The following SH3D19 variants were observed in gnomAD, a reference collection of about 807,000 sequenced individuals.
SH3D19 encodes SH3 domain-containing protein 19.
Under a neutral mutation model 112.1 loss-of-function variants are expected in SH3D19, and 58 were observed. That is an observed-to-expected ratio of 0.52 (90% CI 0.42 to 0.64). The LOEUF (loss-of-function observed/expected upper bound fraction) is 0.64. Ranked by LOEUF, SH3D19 falls within the 30% of genes least tolerant of loss-of-function variation. The pLI is 0.00. For synonymous variants in SH3D19, 391 were observed against 448.5 expected (o/e 0.87, Z 1.62); for missense variants, 1,090 against 1,263.4 (o/e 0.86, Z 2.08).
At chr4:151,163,831 C>T (rs369799657) in intron 8 of SH3D19, among the ~76,000 whole-genome samples, 44 of 152,278 alleles carry the variant, frequency 2.9e-4, no homozygotes, top group African/African-American at 1.0e-3. Context: ...GATCTGCCCA[C>T]CTCAGCTTCC....
At chr4:151,142,109 C>A (rs1193845029) in intron 12 of SH3D19, among the ~76,000 whole-genome samples, 2 of 152,208 alleles carry the variant, frequency 1.3e-5, no homozygotes, top group Non-Finnish European at 2.9e-5. Context: ...ATGACTATAA[C>A]TGCTAATGCA....
At chr4:151,268,847 A>G (rs1353429129) in intron 1 of SH3D19, among the ~76,000 whole-genome samples, 5 of 151,192 alleles carry the variant, frequency 3.3e-5, no homozygotes, top group Non-Finnish European at 7.4e-5. Context: ...TCATTGTTGG[A>G]CATTTGGGTT....
At chr4:151,134,126 T>TA (rs554285763) in intron 15 of SH3D19, among the ~76,000 whole-genome samples, 44 of 152,326 alleles carry the variant, frequency 2.9e-4, no homozygotes, top group African/African-American at 9.6e-4. Context: ...ATATGCTGCT[T>TA]AAAAATAGAG....
At chr4:151,280,033 A>C in intron 1 of SH3D19, 4 of 863,260 alleles carry the variant, frequency 4.6e-6, no homozygotes, top group Non-Finnish European at 6.4e-6. Flanking sequence ...ATGAACCAAA[A>C]GACAAATGAA....
In SH3D19 at chr4:151,133,029, C is replaced by A; in HGVS notation, c.2689+5G>T. On this transcript the variant is annotated splice_donor_5th_base_variant and intron_variant, in intron 16 of 19. Coordinates refer to ENST00000604030, the MANE Select transcript of SH3D19 (RefSeq NM_001378122.1). ...AACATAATAAAAAAAATTCTCTATACTCACTTAAAACATTTGCACCAGAGG... is the reference window on the plus strand; with the variant it reads ...AACATAATAAAAAAAATTCTCTATAATCACTTAAAACATTTGCACCAGAGG... 1 of 1,612,194 alleles carries A rather than the reference C, an allele frequency of 6.2e-7. No individual in the cohort carries two copies. The highest frequency in any genetic ancestry group is 8.5e-7 in the Non-Finnish European group (1 of 1,179,050).
At position 151,259,689 on chromosome 4, in the gene SH3D19, A is replaced by C. The variant is rs1772223414; in HGVS notation, c.113-33603T>G. The stretch of plus-strand genomic sequence containing the variant: ...CCCATCAGGGCACCTGGGTGACTGC[A>C]CCGCCTGAGAGGCCGGGGTGGGGCT... On this transcript the variant is annotated intron_variant, in intron 1 of 19. Transcript: ENST00000604030. 4 of 152,458 alleles carry C rather than the reference A, an allele frequency of 2.6e-5. No individual in the cohort carries two copies. The South Asian group carries it at 6.2e-4, about 24-fold the overall frequency. The allele number at this position is 152,458 out of a possible 1,614,324, so 9.4% of individuals were successfully genotyped here. A position where few individuals can be genotyped will look rare whatever the true frequency, so the allele number is the denominator to read the frequency against.
chr4:151,224,867 T>C (rs534602160), intron 2 of SH3D19, among the ~76,000 whole-genome samples: 1 of 152,296 alleles, frequency 6.6e-6, no homozygotes, highest in East Asian at 1.9e-4. Flanking sequence ...TTTAAGTATC[T>C]AATATAAAAG....
At chr4:151,242,722 A>T (rs1438036540) in intron 1 of SH3D19, among the ~76,000 whole-genome samples, 2 of 152,220 alleles carry the variant, frequency 1.3e-5, no homozygotes, top group Non-Finnish European at 2.9e-5. Flanking sequence ...CCCTTGGGTG[A>T]CAGTTGATTA....
Position 151,133,087 on chromosome 4 carries a change from A to C in SH3D19, c.2636T>G (p.Leu879Arg). Reference protein sequence around the residue: ...EVRGRTGIFPLNFVEPVEDYP... With the variant: ...EVRGRTGIFPRNFVEPVEDYP... ...ATCCTCAACAGGCTCCACAAAGTTC[A>C]GGGGGAAAATCCCAGTTCTGCCTCG... Residue 879 changes from leucine (L) to arginine (R), a missense_variant, in exon 16 of 20, where the codon CTG becomes CGG. By Grantham distance (102) the Leu-to-Arg change is moderately radical. Transcript: ENST00000604030. The C allele has an allele frequency of 6.2e-7, 1 of 1,614,096 alleles. No homozygotes were observed. Among genetic ancestry groups the C allele is most frequent in the Non-Finnish European group, 8.5e-7 (1 of 1,179,940 alleles).
intron 11 of SH3D19, among the ~76,000 whole-genome samples, chr4:151,147,008 T>C (rs1266050143): frequency 1.3e-5 from 2 of 152,192 alleles, no homozygotes; most frequent in African/African-American, 4.8e-5. Context: ...GGAAAAACCA[T>C]CCATCTTAGT....
At position 151,190,915 on chromosome 4, in the gene SH3D19, G is replaced by A. The variant is rs545296348; in HGVS notation, c.153-3452C>T. Among the ~76,000 whole-genome samples the A allele has an allele frequency of 7.2e-5, 11 of 152,278 alleles. No individual in the cohort carries two copies. The South Asian group carries it at 1.2e-3, about 17-fold the overall frequency. On this transcript the variant is annotated intron_variant, in intron 2 of 19. Coordinates refer to ENST00000604030, the MANE Select transcript of SH3D19 (RefSeq NM_001378122.1). ...CTTGCACTGTGCTCCTGGAAAAGCC[G>A]CAGACACTCAACGCCAGCCGTGAAA...
chr4:151,237,057 G>T (rs116654869), intron 1 of SH3D19, among the ~76,000 whole-genome samples: 1 of 152,272 alleles, frequency 6.6e-6, no homozygotes, highest in Admixed American at 6.5e-5. Flanking sequence ...GATAAACCTT[G>T]CTGCTGCTCA....
At chr4:151,253,140 C>T (rs557252781) in intron 1 of SH3D19, among the ~76,000 whole-genome samples, 8 of 152,334 alleles carry the variant, frequency 5.3e-5, no homozygotes, top group African/African-American at 1.9e-4. Context: ...CTCACAATAG[C>T]CTGCAAGAGC....
intron 1 of SH3D19, among the ~76,000 whole-genome samples, chr4:151,324,954 G>A (rs964656549): frequency 2.0e-5 from 3 of 152,020 alleles, no homozygotes; most frequent in African/African-American, 7.2e-5. Flanking sequence ...TCATCAACCA[G>A]GCCACAAGTC....
intron 1 of SH3D19, among the ~76,000 whole-genome samples, chr4:151,234,704 T>C (rs1002751979): frequency 6.6e-5 from 10 of 151,394 alleles, no homozygotes; most frequent in Non-Finnish European, 1.3e-4. Flanking sequence ...TTTCTTTCCT[T>C]TTTTGGTTTT....
intron 1 of SH3D19, among the ~76,000 whole-genome samples, chr4:151,254,868 G>C (rs540223167): frequency 1.6e-4 from 24 of 151,886 alleles, no homozygotes; most frequent in African/African-American, 5.5e-4. Context: ...TGGCCGGGCA[G>C]AGGGCTCCTC....
At chr4:151,176,424 A>C in intron 6 of SH3D19, 110 bp downstream of exon 6, 5 of 764,780 alleles carry the variant, frequency 6.5e-6, no homozygotes, top group Non-Finnish European at 7.1e-6. Context: ...ACTGGGCAGC[A>C]GAGCTCAATG....
In SH3D19 at chr4:151,126,566, T is replaced by C. The variant is rs1379344989; in HGVS notation, c.3027+1052A>G. On this transcript the variant is annotated intron_variant, in intron 19 of 19. Coordinates refer to ENST00000604030, the MANE Select transcript of SH3D19 (RefSeq NM_001378122.1). The stretch of plus-strand genomic sequence containing the variant: ...ATCCCAGCACTTTTGGAGGCTGAGG[T>C]GGGCGGATCACCAGGTCAGGAGATC... 3.3e-5 allele frequency among the ~76,000 whole-genome samples: 5 copies of C among 151,788 alleles called. No homozygotes were observed. In the South Asian group the frequency reaches 8.3e-4, roughly 25 times the overall value.
chr4:151,195,390 A>AG lies in SH3D19; in HGVS notation c.153-7928_153-7927insC, dbSNP rs1561320960. Among the ~76,000 whole-genome samples the AG allele has an allele frequency of 7.1e-5, 10 of 140,524 alleles. 1 individual carries two copies. The highest frequency in any genetic ancestry group is 3.1e-4 in the African/African-American group (10 of 32,116). The allele number at this position is 140,524 out of a possible 152,430, so 92.2% of individuals were successfully genotyped here. ...CTGTCTCAAAAAAAAAAAAAAAAAA[A>AG]AAAAAAAGAAAAAGAAAAAAAGAGT... is the stretch of plus-strand genomic sequence containing the variant. On this transcript the variant is annotated intron_variant, in intron 2 of 19. Transcript: ENST00000604030.
Sources: allele counts gnomAD v4.1 joint callset (sites outside exome capture counted in the v4.1 genomes callset), GRCh38; gene constraint gnomAD v4.1.1; transcripts MANE v1.5; gene names NCBI Gene and HGNC (gene_info 2026-07-23, HGNC 2026-07-21).